Variants in FOXP1 observed in about 807,000 individuals in gnomAD.
FOXP1 encodes forkhead box P1, also known as forkhead box protein P1.
Under a neutral mutation model 98.2 loss-of-function variants are expected in FOXP1, and 15 were observed. The observed-to-expected ratio is 0.15, with a 90% CI of 0.10 to 0.24. The LOEUF (loss-of-function observed/expected upper bound fraction) is 0.24, where lower values mean the gene tolerates loss of function less well. FOXP1 is among the 10% of genes least tolerant of loss of function. The pLI is 1.00. For synonymous variants in FOXP1, 371 were observed against 314.5 expected, an observed-to-expected ratio of 1.18 and a Z score of -1.90; for missense variants, 633 against 848.5, an observed-to-expected ratio of 0.75 and a Z score of 3.15.
intron 4 of FOXP1, among the ~76,000 whole-genome samples, chr3:71,354,625 A>C (rs2078032237): frequency 6.6e-6 from 1 of 152,258 alleles, no homozygotes; most frequent in Non-Finnish European, 1.5e-5. Flanking sequence ...ATGAAACATG[A>C]GCAAATATAA....
chr3:71,400,953 C>T (rs1199580148), intron 3 of FOXP1, among the ~76,000 whole-genome samples: 1 of 152,160 alleles, frequency 6.6e-6, no homozygotes, highest in Non-Finnish European at 1.5e-5. Flanking sequence ...CTCATAAAAA[C>T]AGAAGGATCT....
intron 7 of FOXP1, among the ~76,000 whole-genome samples, chr3:71,089,618 C>T (rs1046428761): frequency 1.3e-5 from 2 of 152,188 alleles, no homozygotes; most frequent in African/African-American, 4.8e-5. Context: ...AACACTCTTC[C>T]CTGCCCCATC....
In FOXP1 at chr3:71,429,763, C is replaced by T. The variant is rs115916492; in HGVS notation, c.-168+63663G>A. 5.5e-3 allele frequency among the ~76,000 whole-genome samples: 834 copies of T among 152,266 alleles called. 4 individuals are homozygous for T. The highest frequency in any genetic ancestry group is 9.0e-3 in the Non-Finnish European group (613 of 67,998). ...CGAGGAACTCGTCTTCAAGAATCAC[C>T]GTCATTGAAAGACAGCTAAATCACC... On this transcript the variant is annotated intron_variant, in intron 3 of 20. Coordinates refer to ENST00000649528, the MANE Select transcript of FOXP1 (RefSeq NM_001349338.3).
rs756825462 is a variant in FOXP1 at position 70,959,239 on chromosome 3, C to A, written c.*8G>T. On this transcript the variant is annotated 3_prime_UTR_variant, in exon 21 of 21. Coordinates refer to ENST00000649528, the MANE Select transcript of FOXP1 (RefSeq NM_001349338.3). ...ATCTTCATTCTCGGGGTTGGCCCGC[C>A]CCGATAGTCACTCCATGTCCTCGTT... is the stretch of plus-strand genomic sequence containing the variant. 1.2e-6 allele frequency: 2 copies of A among 1,613,648 alleles called. No individual in the cohort carries two copies. Among genetic ancestry groups the A allele is most frequent in the South Asian group, 1.1e-5 (1 of 91,028 alleles).
At chr3:71,472,876 G>C (rs1180849342) in intron 3 of FOXP1, among the ~76,000 whole-genome samples, 3 of 152,162 alleles carry the variant, frequency 2.0e-5, no homozygotes, top group African/African-American at 4.8e-5. Flanking sequence ...ACCACATGCA[G>C]GCATTGCACT....
chr3:70,996,901 CCTCCTA>C (rs2041450288), intron 13 of FOXP1, among the ~76,000 whole-genome samples: 1 of 152,126 alleles, frequency 6.6e-6, no homozygotes, highest in Non-Finnish European at 1.5e-5. Context: ...GGAGATTTGT[CCTCCTA>C]CTCTAATACA....
chr3:71,579,632 C>CTT (rs35646548), intron 2 of FOXP1, among the ~76,000 whole-genome samples: 6,111 of 122,918 alleles, frequency 0.05, 345 homozygotes, highest in African/African-American at 0.13. Flanking sequence ...TTTCTTTTTT[C>CTT]TTTTTTTTTT....
At chr3:71,519,503 T>C (rs1447877331) in intron 2 of FOXP1, among the ~76,000 whole-genome samples, 1 of 152,084 alleles carries the variant, frequency 6.6e-6, no homozygotes, top group East Asian at 1.9e-4. Context: ...ATATTAGGAT[T>C]CTCTCAGGAA....
At chr3:71,482,205 C>T (rs2090328420) in intron 3 of FOXP1, among the ~76,000 whole-genome samples, 1 of 152,026 alleles carries the variant, frequency 6.6e-6, no homozygotes, top group Admixed American at 6.6e-5. Context: ...CTTTGCTGCA[C>T]CCAGGTACCA....
Position 70,977,700 on chromosome 3 carries a change from T to G in FOXP1, c.1371A>C (p.Glu457Asp). ...GTCTAACTTCTGCGTTCTTATAAAA[T>G]TCTTGGTTCTGCGCAATATCTGCTG... ...ISSADIAQNQ[E>D]FYKNAEVRPP... Residue 457 changes from glutamate (E) to aspartate (D), a missense_variant, in exon 16 of 21, where the codon GAA becomes GAC. Physicochemically the swap from Glu to Asp is conservative, Grantham distance 45. Coordinates refer to ENST00000649528, the MANE Select transcript of FOXP1 (RefSeq NM_001349338.3). The G allele has an allele frequency of 6.2e-7, 1 of 1,614,226 alleles. No individual in the cohort carries two copies. The highest frequency in any genetic ancestry group is 1.6e-4 in the Middle Eastern group (1 of 6,062).
chr3:71,561,110 G>A (rs562772700), intron 2 of FOXP1, among the ~76,000 whole-genome samples: 26 of 152,230 alleles, frequency 1.7e-4, no homozygotes, highest in Admixed American at 2.0e-4. Context: ...AGGCTGGATT[G>A]TAGTGGCACG....
At position 71,286,072 on chromosome 3, in the gene FOXP1, C is replaced by T. The variant is rs576051204; in HGVS notation, c.-12+13748G>A. On this transcript the variant is annotated intron_variant, in intron 5 of 20. Coordinates refer to ENST00000649528, the MANE Select transcript of FOXP1 (RefSeq NM_001349338.3). ...ACTTATATATTTTCATATGGAAAAC[C>T]GTATGTCCCAGCACTGTTACCTAAT... Among the ~76,000 whole-genome samples the T allele has an allele frequency of 6.7e-4, 102 of 152,222 alleles. 1 individual carries two copies. Among genetic ancestry groups the T allele is most frequent in the Non-Finnish European group, 1.3e-3 (89 of 68,002 alleles).
intron 4 of FOXP1, among the ~76,000 whole-genome samples, chr3:71,338,172 TGAGA>T (rs988789530): frequency 6.6e-6 from 1 of 152,130 alleles, no homozygotes; most frequent in Non-Finnish European, 1.5e-5. Flanking sequence ...CAGATCAAAG[TGAGA>T]TCTGCAAAAA....
chr3:71,582,534 C>A, intron 1 of FOXP1: 1 of 985,434 alleles, frequency 1.0e-6, no homozygotes, highest in South Asian at 4.7e-5. Context: ...AGGACAGGGC[C>A]GGAGGGACGA....
intron 3 of FOXP1, among the ~76,000 whole-genome samples, chr3:71,431,842 A>C (rs772225194): frequency 3.9e-5 from 6 of 152,132 alleles, no homozygotes; most frequent in Non-Finnish European, 7.4e-5. Context: ...CCAGGTATTT[A>C]TTCTGACTTC....
intron 3 of FOXP1, among the ~76,000 whole-genome samples, chr3:71,460,942 C>T (rs1332524188): frequency 6.6e-6 from 1 of 151,958 alleles, no homozygotes; most frequent in South Asian, 2.1e-4. Flanking sequence ...CTTTGACTGT[C>T]GGGAATAGCT....
chr3:71,073,976 A>G (rs372226952), intron 7 of FOXP1, among the ~76,000 whole-genome samples: 22 of 152,342 alleles, frequency 1.4e-4, no homozygotes, highest in African/African-American at 5.3e-4. Context: ...GAAATCCTCT[A>G]AAGAAGCCAC....
chr3:71,419,263 AGGGAG>A (rs1259718971), intron 3 of FOXP1, among the ~76,000 whole-genome samples: 13 of 130,928 alleles, frequency 9.9e-5, no homozygotes, highest in African/African-American at 1.9e-4. Flanking sequence ...AAAAAAAAAA[AGGGAG>A]GGGAGGGGAG....
chr3:71,193,731 G>A (rs887046357), intron 6 of FOXP1, among the ~76,000 whole-genome samples: 2 of 152,186 alleles, frequency 1.3e-5, no homozygotes, highest in African/African-American at 4.8e-5. Flanking sequence ...TTACAGGCAT[G>A]AGCCACCACA....
Sources: allele counts gnomAD v4.1 joint callset (sites outside exome capture counted in the v4.1 genomes callset), GRCh38; gene constraint gnomAD v4.1.1; transcripts MANE v1.5; gene names NCBI Gene and HGNC (gene_info 2026-07-23, HGNC 2026-07-21).